Variants in ELL observed in about 807,000 individuals in gnomAD.
ELL encodes RNA polymerase II elongation factor ELL.
ELL carries 18 observed loss-of-function variants against 64.0 expected under a neutral mutation model. The ratio of observed to expected loss-of-function variants is 0.28; its 90% CI spans 0.19 to 0.42. The LOEUF is 0.42. ELL is among the 10% of genes least tolerant of loss of function. The pLI, the probability that ELL is intolerant of heterozygous loss-of-function variation, is 1.00. For missense variants in ELL, 797 were observed against 870.4 expected (o/e 0.92, Z 1.06); for synonymous variants, 399 against 376.2 (o/e 1.06, Z -0.70).
intron 9 of ELL, 58 bp from the exon 10 acceptor site, chr19:18,446,538 G>A (rs1600418871): frequency 6.3e-7 from 1 of 1,578,840 alleles, no homozygotes; most frequent in East Asian, 2.3e-5. Flanking sequence ...CCCCACCCAG[G>A]AAGTGGCCAT....
At chr19:18,518,283 T>C (rs1185905093) in intron 1 of ELL, among the ~76,000 whole-genome samples, 1 of 151,962 alleles carries the variant, frequency 6.6e-6, no homozygotes, top group Non-Finnish European at 1.5e-5. Context: ...GGAAATCACT[T>C]GAGCCCCGGC....
intron 8 of ELL, among the ~76,000 whole-genome samples, chr19:18,447,528 G>T (rs563272245): frequency 2.0e-5 from 3 of 152,240 alleles, no homozygotes; most frequent in Non-Finnish European, 4.4e-5. Context: ...TCAGGGGCCT[G>T]CCCAAAGCAG....
chr19:18,465,476 G>T lies in ELL; in HGVS notation c.405C>A (p.Ala135=). ...GGCTCCGCGTCTCCTCCTCCGCCTGGGCCATGCTCTGCCGCGCCTTCTGGT... is the reference window on the plus strand; with the variant it reads ...GGCTCCGCGTCTCCTCCTCCGCCTGTGCCATGCTCTGCCGCGCCTTCTGGT... ...DSYQKARQSM[A]QAEEETRSRS... Residue 135 remains alanine (A), a synonymous_variant, in exon 4 of 12, where the codon GCC becomes GCA. Transcript: ENST00000262809. The T allele has an allele frequency of 6.2e-7, 1 of 1,613,066 alleles. No homozygotes were observed. The highest frequency in any genetic ancestry group is 8.5e-7 in the Non-Finnish European group (1 of 1,179,306).
intron 6 of ELL, among the ~76,000 whole-genome samples, chr19:18,452,517 G>C (rs1371446568): frequency 1.3e-5 from 2 of 152,246 alleles, no homozygotes; most frequent in Admixed American, 6.5e-5. Context: ...ACAAAAGGAG[G>C]AGTGAAGACA....
chr19:18,445,225 T>G lies in ELL; in HGVS notation c.1748A>C (p.Lys583Thr). The change falls in exon 11 of 12, where the codon AAG (lysine) becomes ACG (threonine). Residue 583 changes from lysine to threonine, a missense_variant and splice_region_variant. Transcript: ENST00000262809. ...QILQEYRKIK[K>T]TNTNYSQEKH... is the part of the protein sequence containing the mutation. The stretch of plus-strand genomic sequence containing the variant: ...CACCCCAACACAAGAGACACTCACC[T>G]TTTTGATTTTTCGATATTCCTGCAA... The G allele has an allele frequency of 6.2e-7, 1 of 1,614,098 alleles. No homozygotes were observed.
intron 1 of ELL, among the ~76,000 whole-genome samples, chr19:18,507,997 CTG>C (rs1975922686): frequency 1.3e-5 from 2 of 152,190 alleles, no homozygotes; most frequent in African/African-American, 4.8e-5. Context: ...CTGCACATGA[CTG>C]TGTTTTGTTT....
chr19:18,446,315 C>T lies in ELL; in HGVS notation c.1698G>A (p.Glu566=). The T allele has an allele frequency of 2.5e-6, 4 of 1,582,592 alleles. No homozygotes were observed. The highest frequency in any genetic ancestry group is 2.6e-6 in the Non-Finnish European group (3 of 1,167,592). The change falls in exon 10 of 12, where the codon GAG becomes GAA. Residue 566 remains glutamate (E), a synonymous_variant. Coordinates refer to ENST00000262809, the MANE Select transcript of ELL (RefSeq NM_006532.4). Reference sequence around the variant, plus strand: ...GGCAGCGGGGGGGCTCTACCTCATACTCCTCGGAGCCCTGGGAGAGCTGCC... The same window carrying T: ...GGCAGCGGGGGGGCTCTACCTCATATTCCTCGGAGCCCTGGGAGAGCTGCC... ...QLRQLSQGSE[E]YETTRGQILQ... is the part of the protein sequence containing the mutation.
chr19:18,497,760 T>C (rs536379975), intron 1 of ELL, among the ~76,000 whole-genome samples: 1 of 135,128 alleles, frequency 7.4e-6, no homozygotes, highest in African/African-American at 2.9e-5. Flanking sequence ...AAGGCTGCAG[T>C]GAGCTATGGT....
Position 18,446,320 on chromosome 19 carries a change from C to G in ELL, c.1693G>C (p.Glu565Gln), listed in dbSNP as rs756063677. The G allele has an allele frequency of 2.5e-6, 4 of 1,586,678 alleles. No homozygotes were observed. The highest frequency in any genetic ancestry group is 3.4e-6 in the Non-Finnish European group (4 of 1,169,766). ...AQLRQLSQGSEEYETTRGQIL... is the reference protein window; with the variant it reads ...AQLRQLSQGSQEYETTRGQIL... ...CGGGGGGGCTCTACCTCATACTCCT[C>G]GGAGCCCTGGGAGAGCTGCCGGAGC... Residue 565 changes from glutamate (E) to glutamine (Q), a missense_variant, in exon 10 of 12, where the codon GAG (glutamate) becomes CAG (glutamine). Transcript: ENST00000262809.
chr19:18,506,929 A>G (rs1975895268), intron 1 of ELL, among the ~76,000 whole-genome samples: 2 of 152,080 alleles, frequency 1.3e-5, no homozygotes, highest in Non-Finnish European at 2.9e-5. Context: ...TCCACTTCCT[A>G]TCTACAAGGA....
At chr19:18,469,983 T>C (rs957566896) in intron 2 of ELL, among the ~76,000 whole-genome samples, 1 of 152,218 alleles carries the variant, frequency 6.6e-6, no homozygotes, top group African/African-American at 2.4e-5. Flanking sequence ...GCCGGCAGCA[T>C]GGCCCAGGAC....
intron 1 of ELL, among the ~76,000 whole-genome samples, chr19:18,520,187 C>T (rs1976232172): frequency 6.6e-6 from 1 of 152,184 alleles, no homozygotes; most frequent in African/African-American, 2.4e-5. Context: ...AGAGAGAAGG[C>T]GGAGCTCCTG....
At chr19:18,469,868 C>T (rs558991216) in intron 2 of ELL, among the ~76,000 whole-genome samples, 2 of 152,224 alleles carry the variant, frequency 1.3e-5, no homozygotes, top group Non-Finnish European at 2.9e-5. Flanking sequence ...CCCACCTGAC[C>T]CCAGACAGGA....
intron 1 of ELL, among the ~76,000 whole-genome samples, chr19:18,515,119 C>G (rs920649514): frequency 6.6e-6 from 1 of 152,358 alleles, no homozygotes; most frequent in African/African-American, 2.4e-5. Flanking sequence ...CGGCAACCAG[C>G]TGAAAGCACA....
chr19:18,450,783 G>T lies in ELL; in HGVS notation c.1159C>A (p.Arg387=), dbSNP rs35245196. The T allele has an allele frequency of 5.7e-6, 9 of 1,579,342 alleles. No homozygotes were observed. The Middle Eastern group carries it at 8.4e-4, about 147-fold the overall frequency. ...TCGTGGGCCCTCGGGGGCTCCAGCCGCGGGGGCAGGTGAGTGCTGGAGCTG... is the reference window on the plus strand; with the variant it reads ...TCGTGGGCCCTCGGGGGCTCCAGCCTCGGGGGCAGGTGAGTGCTGGAGCTG... ...TLSSSTHLPP[R]LEPPRAHDPL... is the part of the protein sequence containing the mutation. Residue 387 remains arginine (R), a synonymous_variant, in exon 8 of 12, where the codon CGG becomes AGG. Transcript: ENST00000262809.
At chr19:18,500,555 C>T (rs896428563) in intron 1 of ELL, among the ~76,000 whole-genome samples, 1 of 152,206 alleles carries the variant, frequency 6.6e-6, no homozygotes, top group South Asian at 2.1e-4. Context: ...AAAGGAGAGA[C>T]GGGAACTGGG....
intron 5 of ELL, 44 bp from the exon 6 acceptor site, chr19:18,458,373 A>G: frequency 6.3e-7 from 1 of 1,592,350 alleles, no homozygotes; most frequent in Non-Finnish European, 8.6e-7. Flanking sequence ...ATCCTGAGAG[A>G]GACGGGGGAC....
chr19:18,517,802 ACTTAAG>A lies in ELL; in HGVS notation c.135+4113_135+4118del, dbSNP rs574353936. ...TCTGGGCAGCTGAGGTGGGAAGATCACTTAAGCCCAGGAGTTCAAGGCCGCAGTGAG... is the reference window on the plus strand; with the variant it reads ...TCTGGGCAGCTGAGGTGGGAAGATCACCCAGGAGTTCAAGGCCGCAGTGAG... On this transcript the variant is annotated intron_variant, in intron 1 of 11. Transcript: ENST00000262809. Among the ~76,000 whole-genome samples, 98 of 151,408 alleles carry A rather than the reference ACTTAAG, an allele frequency of 6.5e-4. 1 individual carries two copies. The highest frequency in any genetic ancestry group is 3.4e-3 in the Middle Eastern group (1 of 294).
At chr19:18,497,408 G>A (rs1600489770) in intron 1 of ELL, among the ~76,000 whole-genome samples, 1 of 152,138 alleles carries the variant, frequency 6.6e-6, no homozygotes, top group Non-Finnish European at 1.5e-5. Flanking sequence ...AGGATTTTTG[G>A]GGCAGTGACA....
Sources: allele counts gnomAD v4.1 joint callset (sites outside exome capture counted in the v4.1 genomes callset), GRCh38; gene constraint gnomAD v4.1.1; transcripts MANE v1.5; gene names NCBI Gene and HGNC (gene_info 2026-07-23, HGNC 2026-07-21).